The following DEPTOR variants were observed in gnomAD, a reference collection of about 807,000 sequenced individuals.
DEPTOR encodes DEP domain-containing mTOR-interacting protein.
In DEPTOR, 41 loss-of-function variants were observed where a neutral mutation model predicts 41.6. That is an observed-to-expected ratio of 0.98 (90% CI 0.77 to 1.28). DEPTOR has a LOEUF of 1.28. Ranked by LOEUF, DEPTOR falls within the 50% of genes most tolerant of loss-of-function variation. DEPTOR has a pLI of 0.00. For synonymous variants in DEPTOR, 195 were observed against 192.3 expected (o/e 1.01, Z -0.12); for missense variants, 514 against 527.9 (o/e 0.97, Z 0.26).
At chr8:119,881,076 A>G (rs552745705) in intron 1 of DEPTOR, among the ~76,000 whole-genome samples, 46 of 152,356 alleles carry the variant, frequency 3.0e-4, no homozygotes, top group African/African-American at 1.1e-3. Flanking sequence ...CAGTTCTTTC[A>G]AATTGTTTGT....
rs146797562 is a variant in DEPTOR at position 120,040,139 on chromosome 8, C to T, written c.1102-9437C>T. The stretch of plus-strand genomic sequence containing the variant: ...TATTACAGGCATGAGCCACCATGCC[C>T]GACCTTTAGGCAAGTAATAATTTTA... On this transcript the variant is annotated intron_variant, in intron 8 of 8. Transcript: ENST00000286234. Among the ~76,000 whole-genome samples, 65 of 152,164 alleles carry T rather than the reference C, an allele frequency of 4.3e-4. 1 individual carries two copies. The East Asian group carries it at 0.012, about 27-fold the overall frequency.
chr8:119,928,379 A>G, intron 1 of DEPTOR, 21 bp from the exon 2 acceptor site: 1 of 1,604,760 alleles, frequency 6.2e-7, no homozygotes, highest in East Asian at 2.2e-5. Context: ...TTTCCAAAGT[A>G]ATTGCTAATT....
At chr8:119,991,875 A>G (rs916784518) in intron 4 of DEPTOR, among the ~76,000 whole-genome samples, 13 of 152,240 alleles carry the variant, frequency 8.5e-5, no homozygotes, top group African/African-American at 3.1e-4. Context: ...AAATTATGAA[A>G]TATACTAAAT....
chr8:119,921,760 G>GTTTTTTTTTTT (rs1563966294), intron 1 of DEPTOR, among the ~76,000 whole-genome samples: 1 of 128,524 alleles, frequency 7.8e-6, no homozygotes, highest in African/African-American at 3.5e-5. Flanking sequence ...TTTTTTTTTT[G>GTTTTTTTTTTT]TTTGTTTGTT....
Position 119,897,077 on chromosome 8 carries a change from C to T in DEPTOR, c.122+23109C>T, listed in dbSNP as rs1017534705. On this transcript the variant is annotated intron_variant, in intron 1 of 8. Transcript: ENST00000286234. ...AGATATCACTATGGATTATAATTAA[C>T]TAAAAATATTAGAAGTTCTAGAATA... Among the ~76,000 whole-genome samples, 12 of 152,134 alleles carry T rather than the reference C, an allele frequency of 7.9e-5. No homozygotes were observed. In the East Asian group the frequency reaches 2.3e-3, roughly 29 times the overall value.
chr8:119,902,268 C>T (rs935844934), intron 1 of DEPTOR, among the ~76,000 whole-genome samples: 3 of 152,122 alleles, frequency 2.0e-5, no homozygotes, highest in Non-Finnish European at 4.4e-5. Context: ...ATAAATGGAG[C>T]TCAGAGAGAA....
At chr8:120,032,211 C>CTTTTTT (rs60003356) in intron 8 of DEPTOR, among the ~76,000 whole-genome samples, 3 of 120,912 alleles carry the variant, frequency 2.5e-5, no homozygotes, top group East Asian at 2.3e-4. Flanking sequence ...CACTAACTTT[C>CTTTTTT]TTTTTTTTTT....
chr8:120,013,555 C>G (rs1388268626), intron 8 of DEPTOR, among the ~76,000 whole-genome samples: 1 of 152,100 alleles, frequency 6.6e-6, no homozygotes, highest in Admixed American at 6.5e-5. Context: ...CCTGGGGTGC[C>G]CTGTGGGAAG....
At chr8:119,885,337 A>C (rs1374131277) in intron 1 of DEPTOR, among the ~76,000 whole-genome samples, 1 of 152,238 alleles carries the variant, frequency 6.6e-6, no homozygotes, top group Non-Finnish European at 1.5e-5. Context: ...TGTGGTTGAT[A>C]AAATAAGACT....
chr8:119,973,149 G>A (rs1351043340), intron 4 of DEPTOR, among the ~76,000 whole-genome samples: 2 of 151,882 alleles, frequency 1.3e-5, no homozygotes, highest in Non-Finnish European at 2.9e-5. Flanking sequence ...ATGTTGGTCA[G>A]GCTGCTCTCG....
chr8:119,890,144 G>C (rs143529643), intron 1 of DEPTOR, among the ~76,000 whole-genome samples: 152 of 151,822 alleles, frequency 1.0e-3, no homozygotes, highest in South Asian at 6.5e-3. Context: ...TTTGTATTTC[G>C]GGTCAAGACA....
chr8:119,894,411 T>TATTTATTTATTTA (rs376711018), intron 1 of DEPTOR, among the ~76,000 whole-genome samples: 28 of 150,172 alleles, frequency 1.9e-4, no homozygotes, highest in Admixed American at 4.0e-4. Context: ...TTTATTTATT[T>TATTTATTTATTTA]TTTGAGACAG....
chr8:119,924,945 A>G (rs917264823), intron 1 of DEPTOR, among the ~76,000 whole-genome samples: 5 of 152,178 alleles, frequency 3.3e-5, no homozygotes, highest in Non-Finnish European at 7.3e-5. Flanking sequence ...CTGCTAATAA[A>G]GGCATACCTG....
chr8:120,034,720 G>A (rs1452934231), intron 8 of DEPTOR, among the ~76,000 whole-genome samples: 2 of 151,946 alleles, frequency 1.3e-5, no homozygotes, highest in Admixed American at 6.6e-5. Flanking sequence ...AAAGTGCTGG[G>A]ATTACAGGCA....
intron 8 of DEPTOR, among the ~76,000 whole-genome samples, chr8:120,039,254 T>G (rs1256016696): frequency 1.3e-5 from 2 of 152,166 alleles, no homozygotes; most frequent in Non-Finnish European, 2.9e-5. Flanking sequence ...ACCAGACACC[T>G]GCCAGCACCT....
At chr8:119,956,730 T>G (rs537816612) in intron 3 of DEPTOR, among the ~76,000 whole-genome samples, 4,502 of 130,394 alleles carry the variant, frequency 0.035, 66 homozygotes, top group African/African-American at 0.041. Flanking sequence ...GTTTTTTGTT[T>G]TTTTTTTTTG....
chr8:120,026,860 GT>G (rs1348115457), intron 8 of DEPTOR, among the ~76,000 whole-genome samples: 5 of 152,114 alleles, frequency 3.3e-5, no homozygotes, highest in Admixed American at 2.6e-4. Context: ...TACTATCATA[GT>G]TGTTTCAGAG....
chr8:119,979,931 GA>G (rs1234585489), intron 4 of DEPTOR, among the ~76,000 whole-genome samples: 2 of 152,110 alleles, frequency 1.3e-5, no homozygotes, highest in African/African-American at 4.8e-5. Context: ...GATAGTGTGA[GA>G]AAAACTGGAA....
At chr8:120,033,504 G>T (rs184399059) in intron 8 of DEPTOR, among the ~76,000 whole-genome samples, 1 of 152,078 alleles carries the variant, frequency 6.6e-6, no homozygotes, top group Admixed American at 6.6e-5. Context: ...CAGAGCCCTT[G>T]GTCTTTTCAT....
Sources: gnomAD v4.1 joint callset for allele counts (sites outside exome capture counted in the v4.1 genomes callset) on GRCh38, gnomAD v4.1.1 for gene constraint, MANE v1.5 for transcripts, NCBI Gene and HGNC (gene_info 2026-07-23, HGNC 2026-07-21) for gene names.